Variants in DRD2 observed in about 807,000 individuals in gnomAD.
DRD2 encodes the protein dopamine receptor D2, also known as D(2) dopamine receptor.
A neutral mutation model predicts 38.0 loss-of-function variants in DRD2; 8 were observed. The ratio of observed to expected loss-of-function variants is 0.21; its 90% CI spans 0.12 to 0.38. The LOEUF is 0.38. DRD2 is among the 10% of genes least tolerant of loss of function. The pLI is 1.00. For synonymous variants in DRD2, 230 were observed against 238.6 expected, an observed-to-expected ratio of 0.96 and a Z score of 0.33; for missense variants, 403 against 607.7, an observed-to-expected ratio of 0.66 and a Z score of 3.54.
intron 2 of DRD2, among the ~76,000 whole-genome samples, chr11:113,423,260 T>C (rs551327108): frequency 6.7e-6 from 1 of 148,438 alleles, no homozygotes; most frequent in Admixed American, 6.8e-5. Context: ...TTTCCTATTT[T>C]GTTTTTGTTT....
At chr11:113,448,008 C>T (rs928397242) in intron 1 of DRD2, among the ~76,000 whole-genome samples, 5 of 152,014 alleles carry the variant, frequency 3.3e-5, no homozygotes. Context: ...GTGTCTGAGG[C>T]CATGATGAAG....
chr11:113,444,960 C>A (rs565157848), intron 1 of DRD2, among the ~76,000 whole-genome samples: 9 of 152,162 alleles, frequency 5.9e-5, no homozygotes, highest in Non-Finnish European at 1.2e-4. Flanking sequence ...TTTCACTGCA[C>A]GGGACAGATT....
intron 1 of DRD2, among the ~76,000 whole-genome samples, chr11:113,461,759 A>G (rs1951321541): frequency 6.6e-6 from 1 of 152,224 alleles, no homozygotes; most frequent in African/African-American, 2.4e-5. Flanking sequence ...TAGAATGAAC[A>G]TTGAGTAAAC....
At chr11:113,440,120 C>T (rs1281514643) in intron 1 of DRD2, among the ~76,000 whole-genome samples, 1 of 152,122 alleles carries the variant, frequency 6.6e-6, no homozygotes, top group Non-Finnish European at 1.5e-5. Flanking sequence ...GAGTGCCTCT[C>T]CTGAGTCCAA....
intron 1 of DRD2, among the ~76,000 whole-genome samples, chr11:113,435,379 C>T (rs1031979967): frequency 3.3e-5 from 5 of 151,844 alleles, no homozygotes; most frequent in East Asian, 1.9e-4. Flanking sequence ...GGGGTGGTGG[C>T]GGTGCTGTTC....
At chr11:113,452,953 C>T (rs1337829313) in intron 1 of DRD2, among the ~76,000 whole-genome samples, 1 of 152,060 alleles carries the variant, frequency 6.6e-6, no homozygotes, top group East Asian at 1.9e-4. Context: ...TGCCCAGCCA[C>T]TATCCCTTTT....
intron 3 of DRD2, 132 bp from the exon 4 acceptor site, chr11:113,417,131 A>T (rs1245405763): frequency 1.5e-5 from 20 of 1,341,232 alleles, no homozygotes; most frequent in Non-Finnish European, 1.9e-5. Flanking sequence ...CTTGCCTGAG[A>T]TGCTAACTCA....
Position 113,412,679 on chromosome 11 carries a change from T to C in DRD2, c.1015A>G (p.Lys339Glu). ...GHAKDHPKIA[K>E]IFEIQTMPNG... ...GGCATGGTCTGGATCTCAAAGATCT[T>C]GGCAATCTTGGGGTGGTCTTTGGCA... Residue 339 changes from lysine (K) to glutamate (E), a missense_variant, in exon 7 of 8, where the codon AAG becomes GAG. Lys to Glu is a moderately conservative substitution (Grantham distance 56). Coordinates refer to ENST00000362072, the MANE Select transcript of DRD2 (RefSeq NM_000795.4). 1 of 1,614,216 alleles carries C rather than the reference T, an allele frequency of 6.2e-7. No homozygotes were observed. Among genetic ancestry groups the C allele is most frequent in the Non-Finnish European group, 8.5e-7 (1 of 1,180,044 alleles).
chr11:113,410,607 T>G lies in DRD2; in HGVS notation c.*120A>C. The G allele has an allele frequency of 7.8e-7, 1 of 1,275,902 alleles. No homozygotes were observed. The highest frequency in any genetic ancestry group is 1.2e-5 in the South Asian group (1 of 83,290). 79.0% of individuals were successfully genotyped at this position (1,275,902 alleles called of 1,614,324 possible). The stretch of plus-strand genomic sequence containing the variant: ...GGAGCCAAGCGAACACTGCAGGGCC[T>G]GCCGGGGTGAAGAGGAGGCCGATCC... On this transcript the variant is annotated 3_prime_UTR_variant, in exon 8 of 8. Coordinates refer to ENST00000362072, the MANE Select transcript of DRD2 (RefSeq NM_000795.4).
intron 1 of DRD2, among the ~76,000 whole-genome samples, chr11:113,427,348 C>A (rs867658736): frequency 1.7e-4 from 26 of 152,070 alleles, no homozygotes; most frequent in Admixed American, 3.3e-4. Context: ...TAGAATCCAC[C>A]CATATCCTCC....
chr11:113,469,851 T>TAATA lies in DRD2; in HGVS notation c.-32+5221_-32+5224dup, dbSNP rs573674954. Among the ~76,000 whole-genome samples, 882 of 151,762 alleles carry TAATA rather than the reference T, an allele frequency of 5.8e-3. 15 individuals are homozygous for TAATA. The highest frequency in any genetic ancestry group is 2.8e-3 in the Non-Finnish European group (189 of 67,926). On this transcript the variant is annotated intron_variant, in intron 1 of 7. Coordinates refer to ENST00000362072, the MANE Select transcript of DRD2 (RefSeq NM_000795.4). The stretch of plus-strand genomic sequence containing the variant: ...CAAGACCTCTCTCTAAAAATGAAAA[T>TAATA]AATAAATAAATAAATAAATAATAAA...
At chr11:113,459,861 C>T (rs1951301888) in intron 1 of DRD2, among the ~76,000 whole-genome samples, 1 of 152,206 alleles carries the variant, frequency 6.6e-6, no homozygotes, top group African/African-American at 2.4e-5. Context: ...GTTCATTACA[C>T]AGTGCATGCA....
chr11:113,464,537 A>G (rs11214613), intron 1 of DRD2, among the ~76,000 whole-genome samples: 119,498 of 152,174 alleles, frequency 0.79, 49,612 homozygotes, highest in Middle Eastern at 0.94. Flanking sequence ...GGTGAAATCA[A>G]CTTCCAACAG....
At chr11:113,474,965 G>GAA (rs1364237840) in intron 1 of DRD2, 111 bp downstream of exon 1, 3 of 152,202 alleles carry the variant, frequency 2.0e-5, no homozygotes, top group Non-Finnish European at 2.9e-5. Context: ...CCGAGCAGGC[G>GAA]GCCAGGAGTG....
At chr11:113,411,699 C>T (rs1025088287) in intron 7 of DRD2, 4 of 152,308 alleles carry the variant, frequency 2.6e-5, no homozygotes, top group African/African-American at 9.6e-5. Context: ...GGGCCTGGCT[C>T]CAATCCTAGC....
At chr11:113,437,644 G>A (rs112053539) in intron 1 of DRD2, among the ~76,000 whole-genome samples, 7 of 152,192 alleles carry the variant, frequency 4.6e-5, no homozygotes, top group African/African-American at 9.6e-5. Flanking sequence ...CACAGGGCAC[G>A]CTGGAGTCCA....
At chr11:113,454,003 C>A (rs914427016) in intron 1 of DRD2, among the ~76,000 whole-genome samples, 1 of 152,090 alleles carries the variant, frequency 6.6e-6, no homozygotes. Flanking sequence ...TGGCACATCC[C>A]AAATACTGGG....
chr11:113,474,437 G>T (rs945859864), intron 1 of DRD2: 3 of 152,346 alleles, frequency 2.0e-5, no homozygotes, highest in African/African-American at 7.2e-5. Flanking sequence ...AAACGGGTCT[G>T]GCACCCAAGC....
intron 1 of DRD2, among the ~76,000 whole-genome samples, chr11:113,461,779 TC>T (rs778619936): frequency 3.9e-5 from 6 of 152,198 alleles, no homozygotes; most frequent in Non-Finnish European, 7.3e-5. Context: ...CAACTTCAAA[TC>T]CCTGAGTTCC....
Sources: gnomAD v4.1 joint callset for allele counts (sites outside exome capture counted in the v4.1 genomes callset) on GRCh38, gnomAD v4.1.1 for gene constraint, MANE v1.5 for transcripts, NCBI Gene and HGNC (gene_info 2026-07-23, HGNC 2026-07-21) for gene names.